Variants in RBBP7 observed in about 807,000 individuals in gnomAD.
RBBP7 encodes the protein histone-binding protein RBBP7.
In RBBP7, 5 loss-of-function variants were observed where a neutral mutation model predicts 35.2. The observed-to-expected ratio is 0.14, with a 90% confidence interval of 0.07 to 0.30. RBBP7 has a LOEUF of 0.30. Ranked by LOEUF, RBBP7 falls within the 10% of genes least tolerant of loss-of-function variation. RBBP7 has a pLI of 1.00. For synonymous variants in RBBP7, 140 were observed against 118.7 expected, an observed-to-expected ratio of 1.18 and a Z score of -1.17; for missense variants, 155 against 327.5, an observed-to-expected ratio of 0.47 and a Z score of 4.07.
chrX:16,853,165 T>C, intron 6 of RBBP7: 1 of 278,177 alleles, frequency 3.6e-6, no homozygotes, highest in East Asian at 6.0e-5. Flanking sequence ...TGTCACAATC[T>C]GATACCTAAA....
At chrX:16,845,408 C>T (rs907509440) in intron 11 of RBBP7, among the ~76,000 whole-genome samples, 2 of 112,104 alleles carry the variant, frequency 1.8e-5, no homozygotes, top group Non-Finnish European at 3.8e-5. Flanking sequence ...TTATGGAAGT[C>T]TCGGTTAACA....
intron 2 of RBBP7, among the ~76,000 whole-genome samples, chrX:16,863,586 A>G (rs1362289437): frequency 8.9e-6 from 1 of 112,428 alleles, no homozygotes; most frequent in Non-Finnish European, 1.9e-5. Context: ...TTGAATCAAA[A>G]AAACTTAGCT....
chrX:16,853,589 TAAA>T, intron 6 of RBBP7, 90 bp downstream of exon 6: 1 of 708,762 alleles, frequency 1.4e-6, no homozygotes, highest in Non-Finnish European at 1.9e-6. Context: ...AGCCATAACT[TAAA>T]AAAAAAAAAT....
At position 16,844,836 on chromosome X, in the gene RBBP7, A is replaced by G; in HGVS notation, c.*199T>C. On this transcript the variant is annotated 3_prime_UTR_variant, in exon 12 of 12. Transcript: ENST00000380087. ...AAATCAATGGTGATGTTCTTTCTTA[A>G]GCAACATTCTTCTCTTCCCTAATAG... 3.0e-6 allele frequency: 1 copy of G among 333,121 alleles called. No homozygotes were observed. The highest frequency in any genetic ancestry group is 5.3e-6 in the Non-Finnish European group (1 of 190,342). 27.5% of individuals were successfully genotyped at this position (333,121 alleles called of 1,213,427 possible).
intron 1 of RBBP7, 163 bp from the exon 2 acceptor site, chrX:16,869,383 C>A (rs913157794): frequency 1.5e-5 from 16 of 1,056,438 alleles, no homozygotes; most frequent in Non-Finnish European, 1.9e-5. Flanking sequence ...AAAATACTAA[C>A]AATCAGGAAG....
chrX:16,858,048 A>G (rs1930389003), intron 4 of RBBP7, among the ~76,000 whole-genome samples: 1 of 111,750 alleles, frequency 8.9e-6, no homozygotes, highest in Non-Finnish European at 1.9e-5. Flanking sequence ...GCCTGCAACC[A>G]TAAATGACCC....
At chrX:16,848,300 AG>A (rs1930133047) in intron 10 of RBBP7, 1 of 111,929 alleles carries the variant, frequency 8.9e-6, no homozygotes, top group Non-Finnish European at 1.9e-5. Flanking sequence ...CCAAAACCCA[AG>A]AACACTCCCT....
At chrX:16,852,150 T>C in intron 8 of RBBP7, 28 bp from the exon 9 acceptor site, 1 of 1,094,048 alleles carries the variant, frequency 9.1e-7, no homozygotes, top group Admixed American at 2.2e-5. Context: ...TGAAAATGTA[T>C]TTAAAGAATC....
In RBBP7 at chrX:16,860,447, G is replaced by C. The variant is rs184742629; in HGVS notation, c.308-1598C>G. On this transcript the variant is annotated intron_variant, in intron 3 of 11. Transcript: ENST00000380087. ...CTCATGCCTGTAATCCCGGCACTTT[G>C]GGAGGCCAAGGCGTGCGGATCATGA... 3.2e-4 allele frequency among the ~76,000 whole-genome samples: 36 copies of C among 110,904 alleles called. No individual in the cohort carries two copies. In the East Asian group the frequency reaches 9.3e-3, roughly 29 times the overall value.
chrX:16,867,674 T>C (rs780688151), intron 2 of RBBP7, among the ~76,000 whole-genome samples: 1 of 110,843 alleles, frequency 9.0e-6, no homozygotes, highest in African/African-American at 3.3e-5. Context: ...ATTATTATAA[T>C]AATTATTTTT....
At chrX:16,853,062 C>G in intron 6 of RBBP7, 187 bp from the exon 7 acceptor site, 1 of 609,410 alleles carries the variant, frequency 1.6e-6, no homozygotes, top group Non-Finnish European at 2.4e-6. Context: ...AGAGAACAAG[C>G]TAGGGCTGTT....
Position 16,857,645 on chromosome X carries a change from G to A in RBBP7, c.546C>T (p.Leu182=). The A allele has an allele frequency of 8.3e-7, 1 of 1,206,400 alleles. No individual in the cohort carries two copies. The highest frequency in any genetic ancestry group is 1.1e-6 in the Non-Finnish European group (1 of 894,071). ...GTCCACTCAAATTTGAATTCCAGGAGAGACCATAGCCTTCCTTCTGGTGAC... is the reference window on the plus strand; with the variant it reads ...GTCCACTCAAATTTGAATTCCAGGAAAGACCATAGCCTTCCTTCTGGTGAC... The part of the protein sequence containing the change: ...LRGHQKEGYG[L]SWNSNLSGHL... The change falls in exon 5 of 12, where the codon CTC becomes CTT. Residue 182 remains leucine (L), a synonymous_variant. Coordinates refer to ENST00000380087, the MANE Select transcript of RBBP7 (RefSeq NM_002893.4).
chrX:16,845,255 T>C, intron 11 of RBBP7, 152 bp from the exon 12 acceptor site: 1 of 461,667 alleles, frequency 2.2e-6, no homozygotes, highest in Non-Finnish European at 3.7e-6. Flanking sequence ...CTAGCCAGTA[T>C]TTTGAAAAAT....
intron 3 of RBBP7, among the ~76,000 whole-genome samples, chrX:16,861,319 T>C (rs373369256): frequency 3.6e-5 from 4 of 112,160 alleles, no homozygotes; most frequent in Non-Finnish European, 7.5e-5. Flanking sequence ...TGACAATGAA[T>C]ACACCATACA....
intron 9 of RBBP7, among the ~76,000 whole-genome samples, chrX:16,850,120 T>TCCACC (rs1930178161): frequency 8.9e-6 from 1 of 112,351 alleles, no homozygotes; most frequent in South Asian, 3.7e-4. Flanking sequence ...ATCTCAAACC[T>TCCACC]GTGGGATTGC....
rs1199645348 is a variant in RBBP7 at position 16,849,237 on chromosome X, T to C, written c.1098+7A>G. On this transcript the variant is annotated splice_region_variant and intron_variant, in intron 10 of 11. Transcript: ENST00000380087. ...TGACATTTCATCTTCTATAAGCCAA[T>C]GCGTACCAGGAGTTCTGGAGGCCCA... The C allele has an allele frequency of 1.7e-6, 2 of 1,205,879 alleles. No homozygotes were observed. The highest frequency in any genetic ancestry group is 1.8e-5 in the South Asian group (1 of 56,398).
At chrX:16,866,372 A>G (rs1930615242) in intron 2 of RBBP7, among the ~76,000 whole-genome samples, 1 of 108,060 alleles carries the variant, frequency 9.3e-6, no homozygotes, top group South Asian at 4.1e-4. Context: ...CCAAAAATAC[A>G]ACAATTAGCT....
chrX:16,857,418 C>T (rs747667109), intron 5 of RBBP7, among the ~76,000 whole-genome samples, 176 bp downstream of exon 5: 6 of 111,637 alleles, frequency 5.4e-5, no homozygotes, highest in African/African-American at 1.6e-4. Flanking sequence ...CTGTGGAATC[C>T]GAAGACTCAT....
chrX:16,869,345 CAACT>C (rs1164984270), intron 1 of RBBP7, 125 bp from the exon 2 acceptor site: 9 of 1,057,279 alleles, frequency 8.5e-6, no homozygotes, highest in Non-Finnish European at 1.3e-6. Context: ...TGGACACGGA[CAACT>C]AACTGCTCTT....
Sources: allele counts gnomAD v4.1 joint callset (sites outside exome capture counted in the v4.1 genomes callset), GRCh38; gene constraint gnomAD v4.1.1; transcripts MANE v1.5; gene names NCBI Gene and HGNC (gene_info 2026-07-23, HGNC 2026-07-21).